The following RNF213 variants were observed in gnomAD, a reference collection of about 807,000 sequenced individuals.
RNF213 encodes the protein E3 ubiquitin-protein ligase RNF213.
A neutral mutation model predicts 514.4 loss-of-function variants in RNF213; 341 were observed. That is an observed-to-expected ratio of 0.66 (90% CI 0.61 to 0.73). The LOEUF (loss-of-function observed/expected upper bound fraction) is 0.73. Among genes scored for constraint, RNF213 ranks in the 30% least tolerant of loss-of-function variants. RNF213 has a pLI of 0.00. For missense variants in RNF213, 5,767 were observed against 6,615.6 expected (o/e 0.87, Z 4.45); for synonymous variants, 2,655 against 2,658.2 (o/e 1.00, Z 0.04).
chr17:80,292,041 C>G, intron 8 of RNF213: 1 of 622,750 alleles, frequency 1.6e-6, no homozygotes, highest in Non-Finnish European at 2.9e-6. Flanking sequence ...CTCCTTTGAG[C>G]TCAGTGTGAC....
chr17:80,355,504 A>G (rs79000983), intron 36 of RNF213, among the ~76,000 whole-genome samples: 12 of 48,822 alleles, frequency 2.5e-4, no homozygotes, highest in East Asian at 5.5e-4. Flanking sequence ...AAGCGGGGTG[A>G]CCGGGAATGG....
intron 39 of RNF213, 94 bp downstream of exon 39, chr17:80,361,982 C>G (rs1032487052): frequency 4.9e-6 from 7 of 1,433,948 alleles, no homozygotes; most frequent in African/African-American, 1.4e-5. Context: ...CTGCCTGGAG[C>G]TGGTGCTGTG....
At chr17:80,327,301 C>T (rs1007446399) in intron 18 of RNF213, among the ~76,000 whole-genome samples, 8 of 152,156 alleles carry the variant, frequency 5.3e-5, no homozygotes, top group African/African-American at 1.9e-4. Context: ...AGTTTGAGAC[C>T]AGCCTGGGCA....
chr17:80,320,048 G>T, intron 17 of RNF213: 1 of 1,003,048 alleles, frequency 1.0e-6, no homozygotes. Context: ...ATGCCATACG[G>T]TACATCTGTC....
intron 59 of RNF213, among the ~76,000 whole-genome samples, chr17:80,384,471 T>G (rs1028065614): frequency 6.6e-6 from 1 of 152,212 alleles, no homozygotes; most frequent in African/African-American, 2.4e-5. Context: ...TACAACACAT[T>G]GTCTAAACAT....
At chr17:80,383,159 C>T in intron 58 of RNF213, 89 bp downstream of exon 58, 1 of 911,040 alleles carries the variant, frequency 1.1e-6, no homozygotes, top group Non-Finnish European at 1.8e-6. Flanking sequence ...CCTGTTGCCC[C>T]TCGTAGCGGT....
chr17:80,363,905 C>T, intron 41 of RNF213, 115 bp downstream of exon 41: 1 of 1,023,460 alleles, frequency 9.8e-7, no homozygotes, highest in Non-Finnish European at 1.5e-6. Context: ...ATGGGAGGGG[C>T]TCCGTCCTCA....
intron 36 of RNF213, among the ~76,000 whole-genome samples, chr17:80,355,476 GGGGGCTCACA>G (rs1264774355): frequency 4.6e-5 from 5 of 107,836 alleles, no homozygotes; most frequent in African/African-American, 6.6e-5. Flanking sequence ...GACCGGGAAT[GGGGGCTCACA>G]GAGGAAGAAG....
chr17:80,389,778 T>TG (rs1346362526), intron 65 of RNF213, 50 bp from the exon 66 acceptor site: 1 of 1,484,890 alleles, frequency 6.7e-7, no homozygotes, highest in Admixed American at 1.7e-5. Flanking sequence ...ACGACATGAG[T>TG]GGGGGTGTGA....
At chr17:80,312,924 C>A (rs879376709) in intron 14 of RNF213, 88 bp from the exon 15 acceptor site, 141 of 1,478,212 alleles carry the variant, frequency 9.5e-5, no homozygotes, top group Non-Finnish European at 1.3e-4. Flanking sequence ...CCTGTGCCAG[C>A]AGGGAGGAGA....
chr17:80,393,652 C>T lies in RNF213; in HGVS notation c.*154C>T. 1 of 763,500 alleles carries T rather than the reference C, an allele frequency of 1.3e-6. No homozygotes were observed. The highest frequency in any genetic ancestry group is 2.1e-6 in the Non-Finnish European group (1 of 475,306). The allele number at this position is 763,500 out of a possible 1,614,324, so 47.3% of individuals were successfully genotyped here. On this transcript the variant is annotated 3_prime_UTR_variant, in exon 68 of 68. Transcript: ENST00000582970. Reference sequence around the variant, plus strand: ...TCAAGACCAAGGCGTGCTACCTGAGCTGACAGCTTTTTGAAAGCCGAGCTG... The same window carrying T: ...TCAAGACCAAGGCGTGCTACCTGAGTTGACAGCTTTTTGAAAGCCGAGCTG...
chr17:80,366,413 ACTAT>A (rs1277504528), intron 42 of RNF213, among the ~76,000 whole-genome samples: 4 of 152,188 alleles, frequency 2.6e-5, no homozygotes, highest in Admixed American at 1.3e-4. Context: ...AACACCTGTT[ACTAT>A]CTGATTTTTT....
chr17:80,266,681 T>C (rs2043622159), intron 2 of RNF213, among the ~76,000 whole-genome samples: 1 of 151,834 alleles, frequency 6.6e-6, no homozygotes, highest in Non-Finnish European at 1.5e-5. Flanking sequence ...TTTATATTTT[T>C]AGTAGAGACG....
At chr17:80,272,209 G>T (rs916557764) in intron 2 of RNF213, among the ~76,000 whole-genome samples, 2 of 149,180 alleles carry the variant, frequency 1.3e-5, no homozygotes, top group Admixed American at 1.3e-4. Context: ...GCTTGAACCT[G>T]GGAGGCAGAG....
intron 51 of RNF213, 21 bp downstream of exon 51, chr17:80,375,891 C>T: frequency 6.7e-7 from 1 of 1,486,410 alleles, no homozygotes; most frequent in Non-Finnish European, 9.4e-7. Flanking sequence ...GCCTGCAGGG[C>T]TGTGTTCAAA....
Position 80,347,052 on chromosome 17 carries a change from A to C in RNF213, c.8717A>C (p.Asn2906Thr), listed in dbSNP as rs764308928. 2.0e-5 allele frequency: 32 copies of C among 1,613,958 alleles called. No homozygotes were observed. The highest frequency in any genetic ancestry group is 2.7e-5 in the Non-Finnish European group (32 of 1,180,000). The change falls in exon 29 of 68, where the codon AAC becomes ACC. Residue 2906 changes from asparagine to threonine, a missense_variant. Around this residue, in one of 13 missense-constraint regions of RNF213, gnomAD observed 919 missense variants for 1,121.0 expected, o/e 0.82. Coordinates refer to ENST00000582970, the MANE Select transcript of RNF213 (RefSeq NM_001256071.3). This position sits in a 1 kb window ranked among gnomAD's most constrained non-coding sequence, Gnocchi z 7.2. The part of the protein sequence containing the change: ...RGIFVSRGSP[N>T]ETELIESAKG... ...ATTTTTGTGTCACGTGGCAGCCCCA[A>C]CGAGACAGAGCTCATAGAGAGCGCC...
At chr17:80,308,027 G>C (rs1459530617) in intron 13 of RNF213, among the ~76,000 whole-genome samples, 1 of 151,986 alleles carries the variant, frequency 6.6e-6, no homozygotes, top group African/African-American at 2.4e-5. Flanking sequence ...GTCAGTTTAA[G>C]ATAAAAATCA....
At chr17:80,265,139 C>T (rs1478534114) in intron 2 of RNF213, among the ~76,000 whole-genome samples, 3 of 151,758 alleles carry the variant, frequency 2.0e-5, no homozygotes, top group African/African-American at 2.4e-5. Flanking sequence ...CTCTGCCTCC[C>T]GGGTTCAAGT....
Position 80,340,091 on chromosome 17 carries a change from G to A in RNF213, c.5724G>A (p.Ala1908=), listed in dbSNP as rs757738943. The A allele has an allele frequency of 8.0e-5, 128 of 1,606,968 alleles. No individual in the cohort carries two copies. Among genetic ancestry groups the A allele is most frequent in the Admixed American group, 1.9e-4 (11 of 59,404 alleles). Residue 1908 remains alanine (A), a synonymous_variant, in exon 26 of 68, where the codon GCG becomes GCA. Transcript: ENST00000582970. ...TGAGCTACGAGGTGGCACGCCAAGC[G>A]GAGGAGCTTTTCCACAATCTGTGCA... The part of the protein sequence containing the change: ...DQLSYEVARQ[A]EELFHNLCTQ...
Sources: allele counts gnomAD v4.1 joint callset (sites outside exome capture counted in the v4.1 genomes callset), GRCh38; gene constraint gnomAD v4.1.1; regional missense constraint gnomAD v4.1.1; non-coding constraint Gnocchi (gnomAD v3.1); transcripts MANE v1.5; gene names NCBI Gene and HGNC (gene_info 2026-07-23, HGNC 2026-07-21).